Variants in NEXMIF observed in about 807,000 individuals in gnomAD.
The protein encoded by NEXMIF is XLMR protein related to neurite extension.
In NEXMIF, 8 loss-of-function variants were observed where a neutral mutation model predicts 62.1. The observed-to-expected ratio is 0.13, with a 90% CI of 0.08 to 0.23. The LOEUF is 0.23. NEXMIF is among the 10% of genes least tolerant of loss of function. NEXMIF has a pLI of 1.00. For missense variants in NEXMIF, 976 were observed against 1,113.3 expected (o/e 0.88, Z 1.75); for synonymous variants, 404 against 416.6 (o/e 0.97, Z 0.37).
At position 74,763,596 on chromosome X, in the gene NEXMIF, T is replaced by A. The variant is rs765580229; in HGVS notation, c.-47-17899A>T. On this transcript the variant is annotated intron_variant, in intron 1 of 3. Coordinates refer to ENST00000055682, the MANE Select transcript of NEXMIF (RefSeq NM_001008537.3). ...TCACAATATTGATTCTTCCTATCCA[T>A]GAGCATGGAATGTTTTTCCATTTGT... Among the ~76,000 whole-genome samples, 5 of 112,050 alleles carry A rather than the reference T, an allele frequency of 4.5e-5. No individual in the cohort carries two copies. The East Asian group carries it at 1.4e-3, about 31-fold the overall frequency.
chrX:74,827,821 G>A (rs1259310401), intron 1 of NEXMIF, among the ~76,000 whole-genome samples: 2 of 111,592 alleles, frequency 1.8e-5, no homozygotes, highest in East Asian at 5.6e-4. Context: ...ACTGGATATA[G>A]AGCAGAAACA....
At chrX:74,823,697 C>CAGACAGAT (rs1556028189) in intron 1 of NEXMIF, among the ~76,000 whole-genome samples, 2 of 101,707 alleles carry the variant, frequency 2.0e-5, no homozygotes, top group African/African-American at 3.7e-5. Context: ...CAGAGAAAGA[C>CAGACAGAT]AGATAGATAG....
At chrX:74,778,956 C>T (rs555520206) in intron 1 of NEXMIF, among the ~76,000 whole-genome samples, 1 of 112,031 alleles carries the variant, frequency 8.9e-6, no homozygotes, top group East Asian at 2.8e-4. Context: ...AGTACTTCCT[C>T]AATTTCTTTT....
At chrX:74,914,335 C>A (rs1312197475) in intron 1 of NEXMIF, among the ~76,000 whole-genome samples, 1 of 111,673 alleles carries the variant, frequency 9.0e-6, no homozygotes, top group African/African-American at 3.3e-5. Context: ...GGGAGCTTTT[C>A]CCAGAGAAAT....
At chrX:74,891,316 GT>G (rs58531496) in intron 1 of NEXMIF, among the ~76,000 whole-genome samples, 19,775 of 96,041 alleles carry the variant, frequency 0.21, 2,802 homozygotes, top group East Asian at 0.9. Flanking sequence ...ATTCAGGAGG[GT>G]TTTTTTTTTT....
rs772871215 is a variant in NEXMIF, at chrX:74,739,462, G to T, written c.4494C>A (p.Thr1498=). The change falls in exon 4 of 4, where the codon ACC becomes ACA. Residue 1498 remains threonine (T), a synonymous_variant. Coordinates refer to ENST00000055682, the MANE Select transcript of NEXMIF (RefSeq NM_001008537.3). ...SDYNLLKAET[T]FWVLPVFEEE... ...CTTCAAACACAGGTAAAACCCAAAA[G>T]GTTGTTTCTGCTTTTAGGAGATTGT... 1 of 1,199,622 alleles carries T rather than the reference G, an allele frequency of 8.3e-7. No individual in the cohort carries two copies. Among genetic ancestry groups the T allele is most frequent in the South Asian group, 1.8e-5 (1 of 54,471 alleles).
At chrX:74,797,822 C>G (rs759712754) in intron 1 of NEXMIF, among the ~76,000 whole-genome samples, 4 of 111,789 alleles carry the variant, frequency 3.6e-5, no homozygotes, top group African/African-American at 6.5e-5. Flanking sequence ...CCAAGCTCAA[C>G]GTAGAATGTT....
intron 1 of NEXMIF, among the ~76,000 whole-genome samples, chrX:74,748,192 T>TA (rs748262418): frequency 8.9e-6 from 1 of 111,884 alleles, no homozygotes; most frequent in Non-Finnish European, 1.9e-5. Context: ...TTGGTTCTAT[T>TA]AGAGTCTATA....
At chrX:74,845,656 A>AT (rs1443880394) in intron 1 of NEXMIF, among the ~76,000 whole-genome samples, 1 of 111,621 alleles carries the variant, frequency 9.0e-6, no homozygotes, top group Non-Finnish European at 1.9e-5. Flanking sequence ...ATACAAACCT[A>AT]TTTGTGATAT....
At chrX:74,908,240 T>A (rs2080775472) in intron 1 of NEXMIF, among the ~76,000 whole-genome samples, 2 of 111,954 alleles carry the variant, frequency 1.8e-5, no homozygotes, top group Non-Finnish European at 1.9e-5. Context: ...AGGCTTTCAT[T>A]TCAAAGTGTA....
chrX:74,916,987 C>T (rs951978043), intron 1 of NEXMIF, among the ~76,000 whole-genome samples: 1 of 111,881 alleles, frequency 8.9e-6, no homozygotes, highest in Non-Finnish European at 1.9e-5. Flanking sequence ...TAATGGACCC[C>T]TCCAGTCTTA....
chrX:74,909,546 T>C (rs1377023083), intron 1 of NEXMIF, among the ~76,000 whole-genome samples: 2 of 112,049 alleles, frequency 1.8e-5, no homozygotes, highest in Non-Finnish European at 3.8e-5. Context: ...AGATAATTTG[T>C]AGCCTGATGA....
chrX:74,899,615 T>A (rs764715266), intron 1 of NEXMIF, among the ~76,000 whole-genome samples: 62 of 112,000 alleles, frequency 5.5e-4, no homozygotes, highest in African/African-American at 1.8e-3. Flanking sequence ...CCCATGTTCA[T>A]GGATTAGAAT....
chrX:74,869,082 C>T (rs966662988), intron 1 of NEXMIF, among the ~76,000 whole-genome samples: 2 of 111,368 alleles, frequency 1.8e-5, no homozygotes, highest in African/African-American at 3.3e-5. Context: ...AAATCCTCAA[C>T]AATATACTAG....
chrX:74,781,968 T>A (rs991894258), intron 1 of NEXMIF, among the ~76,000 whole-genome samples: 3 of 112,542 alleles, frequency 2.7e-5, no homozygotes, highest in Non-Finnish European at 5.6e-5. Context: ...ACTGAATGAC[T>A]GACTGAAAAT....
Position 74,741,980 on chromosome X carries a change from C to T in NEXMIF, c.2577G>A (p.Gln859=). ...CAGAGGATGAGGTGAGCACACAGTCCTGGGTAGGCTGGAGGGGTACAAATG... is the reference window on the plus strand; with the variant it reads ...CAGAGGATGAGGTGAGCACACAGTCTTGGGTAGGCTGGAGGGGTACAAATG... ...EKSFVPLQPT[Q]DCVLTSSSDS... is the part of the protein sequence containing the mutation. The change falls in exon 3 of 4, where the codon CAG becomes CAA. Residue 859 remains glutamine, a synonymous_variant. Transcript: ENST00000055682. 1 of 1,211,125 alleles carries T rather than the reference C, an allele frequency of 8.3e-7. No homozygotes were observed.
intron 1 of NEXMIF, among the ~76,000 whole-genome samples, chrX:74,762,480 G>C (rs779543997): frequency 2.2e-4 from 25 of 111,664 alleles, no homozygotes; most frequent in Non-Finnish European, 4.3e-4. Flanking sequence ...TATATACCCA[G>C]TTATGGGATC....
intron 1 of NEXMIF, among the ~76,000 whole-genome samples, chrX:74,765,761 C>T (rs1157480352): frequency 9.3e-6 from 1 of 107,754 alleles, no homozygotes; most frequent in Non-Finnish European, 1.9e-5. Context: ...TGTGGTGGCT[C>T]ATGCCTGTAA....
At chrX:74,807,086 C>T (rs927731935) in intron 1 of NEXMIF, among the ~76,000 whole-genome samples, 3 of 112,315 alleles carry the variant, frequency 2.7e-5, no homozygotes, top group African/African-American at 6.5e-5. Flanking sequence ...AAATAACTTA[C>T]TGGGATTTTT....
Sources: gnomAD v4.1 joint callset for allele counts (sites outside exome capture counted in the v4.1 genomes callset) on GRCh38, gnomAD v4.1.1 for gene constraint, MANE v1.5 for transcripts, NCBI Gene and HGNC (gene_info 2026-07-23, HGNC 2026-07-21) for gene names.